SCMH1: variants seen among roughly 807,000 people sequenced by gnomAD.
The protein encoded by SCMH1 is Scm polycomb group protein homolog 1, also known as polycomb protein SCMH1.
In SCMH1, 37 loss-of-function variants were observed where a neutral mutation model predicts 70.8. That is an observed-to-expected ratio of 0.52 (90% CI 0.40 to 0.69). SCMH1 has a LOEUF of 0.69. SCMH1 is among the 30% of genes least tolerant of loss of function. SCMH1 has a pLI of 0.00. For missense variants in SCMH1, 607 were observed against 827.3 expected, an observed-to-expected ratio of 0.73 and a Z score of 3.27; for synonymous variants, 292 against 307.4, an observed-to-expected ratio of 0.95 and a Z score of 0.52.
chr1:41,221,335 G>T (rs376764708), intron 1 of SCMH1, among the ~76,000 whole-genome samples: 3 of 152,074 alleles, frequency 2.0e-5, no homozygotes, highest in Admixed American at 1.3e-4. Flanking sequence ...GGTGGTGATG[G>T]TTGCATAACA....
chr1:41,040,209 G>A (rs548276493), intron 12 of SCMH1, among the ~76,000 whole-genome samples: 18 of 152,294 alleles, frequency 1.2e-4, no homozygotes, highest in African/African-American at 3.8e-4. Flanking sequence ...AGCACCCTTT[G>A]TGTGTGTGAC....
At chr1:41,170,390 C>A (rs768166979) in intron 2 of SCMH1, among the ~76,000 whole-genome samples, 1 of 152,116 alleles carries the variant, frequency 6.6e-6, no homozygotes, top group Non-Finnish European at 1.5e-5. Context: ...CCTACCCATT[C>A]GATGAGGATG....
chr1:41,185,314 T>C (rs1649878497), intron 2 of SCMH1, among the ~76,000 whole-genome samples: 2 of 152,176 alleles, frequency 1.3e-5, no homozygotes, highest in Non-Finnish European at 1.5e-5. Context: ...ACCTCCCTAG[T>C]AGCTGGAACT....
intron 1 of SCMH1, among the ~76,000 whole-genome samples, chr1:41,229,411 T>C (rs1349259003): frequency 6.6e-6 from 1 of 152,034 alleles, no homozygotes; most frequent in Non-Finnish European, 1.5e-5. Context: ...TATGTAGCCA[T>C]GAAAAAGGAT....
chr1:41,140,147 TGA>T lies in SCMH1; in HGVS notation c.412+2729_412+2730del, dbSNP rs773311502. On this transcript the variant is annotated intron_variant, in intron 6 of 14. Coordinates refer to ENST00000337495, the Ensembl canonical transcript of SCMH1. ...GATGAGTGATACGGAATAAAGCAAATGAGTTACTGTGTTAACATGGAGAACTA... is the reference window on the plus strand; with the variant it reads ...GATGAGTGATACGGAATAAAGCAAATGTTACTGTGTTAACATGGAGAACTA... Among the ~76,000 whole-genome samples, 11 of 152,278 alleles carry T rather than the reference TGA, an allele frequency of 7.2e-5. 1 individual carries two copies. Among genetic ancestry groups the T allele is most frequent in the Admixed American group, 5.9e-4 (9 of 15,306 alleles).
At chr1:41,138,932 AC>A (rs1557617459) in intron 6 of SCMH1, among the ~76,000 whole-genome samples, 3 of 152,216 alleles carry the variant, frequency 2.0e-5, no homozygotes, top group Admixed American at 6.5e-5. Flanking sequence ...CAGCAAAAAA[AC>A]AAAAGGTTCT....
chr1:41,200,028 A>G (rs1264550927), intron 1 of SCMH1, among the ~76,000 whole-genome samples: 1 of 152,240 alleles, frequency 6.6e-6, no homozygotes, highest in Non-Finnish European at 1.5e-5. Context: ...CTTGGCAAAC[A>G]GGCAAATCTT....
chr1:41,122,472 G>C (rs1044387366), intron 6 of SCMH1, among the ~76,000 whole-genome samples: 2 of 152,108 alleles, frequency 1.3e-5, no homozygotes, highest in Admixed American at 6.5e-5. Context: ...TTTTTAAAAA[G>C]TTTAATGTGT....
At chr1:41,181,733 A>G (rs1572890959) in intron 2 of SCMH1, among the ~76,000 whole-genome samples, 2 of 152,306 alleles carry the variant, frequency 1.3e-5, no homozygotes, top group South Asian at 2.1e-4. Context: ...AAATAGGAAC[A>G]CTTTTACACT....
chr1:41,123,256 T>G (rs1410182844), intron 6 of SCMH1, among the ~76,000 whole-genome samples: 1 of 152,174 alleles, frequency 6.6e-6, no homozygotes, highest in Non-Finnish European at 1.5e-5. Flanking sequence ...GCAGCAGGAC[T>G]ATAATCTAAT....
At chr1:41,204,713 T>C (rs1655102179) in intron 1 of SCMH1, among the ~76,000 whole-genome samples, 1 of 152,230 alleles carries the variant, frequency 6.6e-6, no homozygotes, top group Non-Finnish European at 1.5e-5. Flanking sequence ...ACCCTTTCTA[T>C]CATACCACTC....
At chr1:41,127,786 C>T (rs1673599098) in intron 6 of SCMH1, among the ~76,000 whole-genome samples, 1 of 152,112 alleles carries the variant, frequency 6.6e-6, no homozygotes, top group Admixed American at 6.5e-5. Context: ...CTTCCTCCCT[C>T]CACTTCCCTC....
At chr1:41,200,820 A>T (rs921225183) in intron 1 of SCMH1, among the ~76,000 whole-genome samples, 5 of 152,212 alleles carry the variant, frequency 3.3e-5, no homozygotes, top group Non-Finnish European at 5.9e-5. Context: ...GCATGTCATC[A>T]TCTATAAACA....
chr1:41,044,582 A>G (rs1181099450), intron 12 of SCMH1, among the ~76,000 whole-genome samples: 6 of 152,142 alleles, frequency 3.9e-5, no homozygotes, highest in Non-Finnish European at 8.8e-5. Flanking sequence ...CTAGAGTGAG[A>G]GCAGACAAGT....
chr1:41,213,572 CAG>C (rs1156671829), intron 1 of SCMH1, among the ~76,000 whole-genome samples: 1 of 152,094 alleles, frequency 6.6e-6, no homozygotes, highest in Non-Finnish European at 1.5e-5. Flanking sequence ...GCCAAAGACA[CAG>C]AGAGACCAAG....
At chr1:41,144,936 G>C (rs1644418525) in intron 5 of SCMH1, among the ~76,000 whole-genome samples, 7 of 152,074 alleles carry the variant, frequency 4.6e-5, no homozygotes, top group Admixed American at 4.6e-4. Flanking sequence ...TTAAAATCAT[G>C]TTGTCTTTTA....
At chr1:41,137,488 A>T (rs1006979542) in intron 6 of SCMH1, among the ~76,000 whole-genome samples, 1 of 152,176 alleles carries the variant, frequency 6.6e-6, no homozygotes, top group Non-Finnish European at 1.5e-5. Flanking sequence ...GATTTCTTAA[A>T]GCCTTTCATA....
intron 11 of SCMH1, 26 bp downstream of exon 11, chr1:41,048,664 G>A: frequency 6.2e-7 from 1 of 1,606,494 alleles, no homozygotes; most frequent in Non-Finnish European, 8.5e-7. Flanking sequence ...CTGGCTGGGA[G>A]GCAATATGAG....
intron 8 of SCMH1, among the ~76,000 whole-genome samples, chr1:41,112,562 A>G (rs1669510210): frequency 6.6e-6 from 1 of 151,944 alleles, no homozygotes; most frequent in Admixed American, 6.6e-5. Context: ...ATAATATAGC[A>G]TATTGTAATA....
Sources: allele counts gnomAD v4.1 joint callset (sites outside exome capture counted in the v4.1 genomes callset), GRCh38; gene constraint gnomAD v4.1.1; transcripts MANE v1.5; gene names NCBI Gene and HGNC (gene_info 2026-07-23, HGNC 2026-07-21).